TSHZ3: variants seen among roughly 807,000 people sequenced by gnomAD.
TSHZ3 encodes teashirt homolog 3.
In TSHZ3, 10 loss-of-function variants were observed where a neutral mutation model predicts 64.5. The ratio of observed to expected loss-of-function variants is 0.16; its 90% CI spans 0.10 to 0.26. TSHZ3 has a LOEUF of 0.26. Ranked by LOEUF, TSHZ3 falls within the 10% of genes least tolerant of loss-of-function variation. The probability of loss-of-function intolerance (pLI) is 1.00; values close to 1 mark genes in which losing one functional copy is unlikely to be tolerated. For synonymous variants in TSHZ3, 608 were observed against 593.1 expected (o/e 1.03, Z -0.36); for missense variants, 1,242 against 1,421.7 (o/e 0.87, Z 2.03).
At chr19:31,347,007 T>C (rs1487441646) in intron 1 of TSHZ3, among the ~76,000 whole-genome samples, 1 of 152,064 alleles carries the variant, frequency 6.6e-6, no homozygotes, top group Non-Finnish European at 1.5e-5. Flanking sequence ...TGATTGACCA[T>C]TAAGCTATTG....
rs75261708 is a variant in TSHZ3 at position 31,212,573 on chromosome 19, A to G, written n.687-7495T>C. Among the ~76,000 whole-genome samples the G allele has an allele frequency of 6.9e-3, 1,044 of 152,350 alleles. 17 individuals are homozygous for G. Among genetic ancestry groups the G allele is most frequent in the African/African-American group, 0.024 (998 of 41,580 alleles). The stretch of plus-strand genomic sequence containing the variant: ...CACTACACCCCTGTTAAAATAGACA[A>G]AATCGAGAACACTGACAACTCCCAG... On this transcript the variant is annotated intron_variant and non_coding_transcript_variant, in intron 4 of 6. Coordinates refer to the TSHZ3 transcript ENST00000651361.
At chr19:31,330,789 T>C (rs1354366575) in intron 1 of TSHZ3, among the ~76,000 whole-genome samples, 1 of 145,836 alleles carries the variant, frequency 6.9e-6, no homozygotes, top group Non-Finnish European at 1.5e-5. Context: ...CAGACGGAGG[T>C]GTCAGGAGCT....
chr19:31,193,672 C>T (rs1198314880), intron 5 of TSHZ3, among the ~76,000 whole-genome samples: 2 of 152,172 alleles, frequency 1.3e-5, no homozygotes, highest in Non-Finnish European at 2.9e-5. Context: ...TTTTCCAGGA[C>T]AGTGCGAGCC....
chr19:31,248,801 A>AAAG (rs910177996), intron 1 of TSHZ3, among the ~76,000 whole-genome samples: 7 of 151,758 alleles, frequency 4.6e-5, no homozygotes, highest in South Asian at 2.1e-4. Context: ...AAAAAAAAAA[A>AAAG]AAGAAGAAGA....
intron 1 of TSHZ3, among the ~76,000 whole-genome samples, chr19:31,255,135 G>A (rs1361632673): frequency 6.6e-6 from 1 of 152,198 alleles, no homozygotes; most frequent in Non-Finnish European, 1.5e-5. Flanking sequence ...GAAAACGAAG[G>A]AGATGAGGTT....
chr19:31,305,919 G>A (rs577391465), intron 1 of TSHZ3, among the ~76,000 whole-genome samples: 6 of 152,114 alleles, frequency 3.9e-5, no homozygotes, highest in Admixed American at 6.5e-5. Context: ...AAAAAAAATC[G>A]TAAATATCTT....
At chr19:31,176,746 C>T (rs1327569516) in intron 5 of TSHZ3, among the ~76,000 whole-genome samples, 1 of 152,114 alleles carries the variant, frequency 6.6e-6, no homozygotes, top group African/African-American at 2.4e-5. Context: ...GCTGTGATTG[C>T]ACCAGTGCAC....
At chr19:31,324,269 A>AT (rs1273929857) in intron 1 of TSHZ3, among the ~76,000 whole-genome samples, 1 of 152,126 alleles carries the variant, frequency 6.6e-6, no homozygotes, top group Non-Finnish European at 1.5e-5. Context: ...TCCAGTCTGA[A>AT]TTTTCATTTT....
intron 1 of TSHZ3, 128 bp downstream of exon 1, chr19:31,349,052 A>C: frequency 8.2e-7 from 1 of 1,220,074 alleles, no homozygotes; most frequent in South Asian, 1.6e-5. Context: ...CAAACAGGAG[A>C]GCGGCGCCCG....
intron 5 of TSHZ3, among the ~76,000 whole-genome samples, chr19:31,204,467 G>A (rs1464874145): frequency 1.3e-5 from 2 of 151,806 alleles, no homozygotes; most frequent in Admixed American, 6.6e-5. Flanking sequence ...GGGGTGTGGT[G>A]GACAAATGCA....
At chr19:31,172,116 C>T (rs1297695983) in intron 5 of TSHZ3, among the ~76,000 whole-genome samples, 1 of 152,178 alleles carries the variant, frequency 6.6e-6, no homozygotes, top group East Asian at 1.9e-4. Flanking sequence ...CCATGTCCCA[C>T]CCTCAGCTAC....
chr19:31,183,245 T>A (rs548156243), intron 5 of TSHZ3, among the ~76,000 whole-genome samples: 1 of 144,474 alleles, frequency 6.9e-6, no homozygotes, highest in East Asian at 2.1e-4. Flanking sequence ...TCTCTCTCCA[T>A]CCTTAGAGGA....
At chr19:31,327,905 C>A (rs1467829819) in intron 1 of TSHZ3, among the ~76,000 whole-genome samples, 2 of 152,246 alleles carry the variant, frequency 1.3e-5, no homozygotes, top group Non-Finnish European at 2.9e-5. Flanking sequence ...CTAGAGTTTA[C>A]ATGGACATTG....
intron 5 of TSHZ3, among the ~76,000 whole-genome samples, chr19:31,191,653 T>G (rs1319717469): frequency 6.6e-6 from 1 of 151,866 alleles, no homozygotes; most frequent in African/African-American, 2.4e-5. Flanking sequence ...GGCCAGGATT[T>G]TGAGAGCAGA....
At chr19:31,235,100 T>C (rs1324776853) in intron 3 of TSHZ3, among the ~76,000 whole-genome samples, 1 of 152,222 alleles carries the variant, frequency 6.6e-6, no homozygotes, top group Non-Finnish European at 1.5e-5. Context: ...GTATACAATG[T>C]GATGTTTTGA....
At chr19:31,283,380 T>G (rs1599624195) in intron 1 of TSHZ3, among the ~76,000 whole-genome samples, 1 of 152,214 alleles carries the variant, frequency 6.6e-6, no homozygotes, top group African/African-American at 2.4e-5. Flanking sequence ...TCTTCCACCA[T>G]GCTTTGCAAT....
At chr19:31,261,383 G>A (rs566392469) in intron 1 of TSHZ3, among the ~76,000 whole-genome samples, 1 of 152,276 alleles carries the variant, frequency 6.6e-6, no homozygotes, top group East Asian at 1.9e-4. Context: ...AAGAAGCACC[G>A]ATAGGCAAAG....
chr19:31,347,191 T>TA lies in TSHZ3; in HGVS notation c.40+1988dup, dbSNP rs5827764. The stretch of plus-strand genomic sequence containing the variant: ...CTGAGATTTCCTGGCTGGCTTTCTT[T>TA]AAAAAAAAAAAAAAAGTGTGAAAAG... On this transcript the variant is annotated intron_variant, in intron 1 of 1. Transcript: ENST00000240587. 3.8e-3 allele frequency among the ~76,000 whole-genome samples: 553 copies of TA among 143,802 alleles called. 3 individuals are homozygous for TA. The highest frequency in any genetic ancestry group is 0.012 in the African/African-American group (470 of 39,016). The allele number at this position is 143,802 out of a possible 152,430, so 94.3% of individuals were successfully genotyped here.
intron 1 of TSHZ3, among the ~76,000 whole-genome samples, chr19:31,295,768 G>T (rs948521615): frequency 6.6e-6 from 1 of 151,596 alleles, no homozygotes; most frequent in African/African-American, 2.4e-5. Context: ...TGCATAAAAA[G>T]GTTCTTTAAT....
Sources: gnomAD v4.1 joint callset for allele counts (sites outside exome capture counted in the v4.1 genomes callset) on GRCh38, gnomAD v4.1.1 for gene constraint, MANE v1.5 for transcripts, NCBI Gene and HGNC (gene_info 2026-07-23, HGNC 2026-07-21) for gene names.